The following MFSD1 variants were observed in gnomAD, a reference collection of about 807,000 sequenced individuals.
The protein encoded by MFSD1 is lysosomal dipeptide transporter MFSD1.
Under a neutral mutation model 67.1 loss-of-function variants are expected in MFSD1, and 59 were observed. That is an observed-to-expected ratio of 0.88 (90% CI 0.71 to 1.09). The LOEUF is 1.09. Ranked by LOEUF, MFSD1 falls within the 50% of genes least tolerant of loss-of-function variation. MFSD1 has a pLI of 0.00. For synonymous variants in MFSD1, 213 were observed against 200.3 expected (o/e 1.06, Z -0.54); for missense variants, 552 against 566.1 (o/e 0.97, Z 0.25).
chr3:158,808,885 C>T (rs773280567), intron 5 of MFSD1: 1 of 283,666 alleles, frequency 3.5e-6, no homozygotes, highest in Non-Finnish European at 6.6e-6. Context: ...TGTGGCCTCT[C>T]TTTGTGGTTT....
In MFSD1 at chr3:158,807,383, T is replaced by TTC. The variant is rs745537029; in HGVS notation, c.373-11_373-10dup. The TTC allele has an allele frequency of 8.1e-6, 13 of 1,605,456 alleles. No homozygotes were observed. The African/African-American group carries it at 1.6e-4, about 20-fold the overall frequency. ...ACTTTTTCATTAATTTGACATGAAC[T>TTC]TCTACATTATAGGTTGTTTTTGCCC... On this transcript the variant is annotated splice_polypyrimidine_tract_variant and intron_variant, in intron 4 of 15. Coordinates refer to ENST00000415822, the MANE Select transcript of MFSD1 (RefSeq NM_022736.4).
At chr3:158,827,862 C>A (rs1576919053) in intron 15 of MFSD1, among the ~76,000 whole-genome samples, 1 of 145,156 alleles carries the variant, frequency 6.9e-6, no homozygotes, top group South Asian at 2.2e-4. Context: ...AAAAATAATT[C>A]AATTTAAGTT....
At position 158,826,179 on chromosome 3, in the gene MFSD1, A is replaced by G. The variant is rs979177901; in HGVS notation, c.1336+117A>G. On this transcript the variant is annotated intron_variant, in intron 14 of 15. Transcript: ENST00000415822. Reference sequence around the variant, plus strand: ...TCCATGCAGTAATGACTTTCTGTTCATAATGATGGAAACACATTTGATTAT... The same window carrying G: ...TCCATGCAGTAATGACTTTCTGTTCGTAATGATGGAAACACATTTGATTAT... 3 of 683,670 alleles carry G rather than the reference A, an allele frequency of 4.4e-6. No homozygotes were observed. The African/African-American group carries it at 5.4e-5, about 12-fold the overall frequency. The allele number at this position is 683,670 out of a possible 1,614,324, so 42.4% of individuals were successfully genotyped here. A position where few individuals can be genotyped will look rare whatever the true frequency, so the allele number is the denominator to read the frequency against.
chr3:158,806,942 C>T (rs113390330), intron 3 of MFSD1, 98 bp from the exon 4 acceptor site: 1 of 1,022,154 alleles, frequency 9.8e-7, no homozygotes, highest in Non-Finnish European at 1.4e-6. Context: ...TGAATTATTA[C>T]TAAAGGACTT....
At chr3:158,808,482 T>A (rs1303247186) in intron 5 of MFSD1, among the ~76,000 whole-genome samples, 2 of 152,150 alleles carry the variant, frequency 1.3e-5, no homozygotes, top group Non-Finnish European at 2.9e-5. Context: ...GATGGAGAGC[T>A]TTGCATATTG....
In MFSD1 at chr3:158,807,089, A is replaced by G; in HGVS notation, c.372+7A>G. On this transcript the variant is annotated splice_region_variant and intron_variant, in intron 4 of 15. Transcript: ENST00000415822. ...CTTTGTTTGCATTGGACAGGTAAGG[A>G]AGGCCAAAACATTCATTGATTATTG... The G allele has an allele frequency of 6.2e-7, 1 of 1,609,934 alleles. No individual in the cohort carries two copies. The highest frequency in any genetic ancestry group is 8.5e-7 in the Non-Finnish European group (1 of 1,176,994).
At chr3:158,827,825 T>C (rs1166130774) in intron 15 of MFSD1, among the ~76,000 whole-genome samples, 1 of 151,458 alleles carries the variant, frequency 6.6e-6, no homozygotes, top group African/African-American at 2.4e-5. Context: ...AATTTAAAAA[T>C]GGATATTAAG....
rs1326114351 is a variant in MFSD1, at chr3:158,807,443, AT to A, written c.423del (p.Phe141LeufsTer13). ...TATTTAATGCTTTTTGGCTGATGGA[AT>A]TTGGAAGATTTGTATTTGGGTAAGT... is the stretch of plus-strand genomic sequence containing the variant. ...GIFNAFWLME[F>X]GRFVFGIGGE... On this transcript the variant is annotated frameshift_variant, in exon 5 of 16. Transcript: ENST00000415822. LOFTEE classifies it high-confidence loss of function. 1.9e-6 allele frequency: 3 copies of A among 1,612,266 alleles called. No individual in the cohort carries two copies. The highest frequency in any genetic ancestry group is 3.3e-5 in the Admixed American group (2 of 60,008).
chr3:158,804,503 TC>T, intron 2 of MFSD1, 132 bp downstream of exon 2: 1 of 606,808 alleles, frequency 1.6e-6, no homozygotes, highest in Non-Finnish European at 2.8e-6. Context: ...AGTCACCAAA[TC>T]CACAAGTTGC....
intron 1 of MFSD1, chr3:158,802,676 C>T: frequency 2.1e-6 from 1 of 485,416 alleles, no homozygotes; most frequent in South Asian, 1.8e-5. Context: ...ATTCAGAAAG[C>T]TTTAACTGTT....
At chr3:158,811,701 A>T in intron 6 of MFSD1, among the ~76,000 whole-genome samples, 1 of 152,214 alleles carries the variant, frequency 6.6e-6, no homozygotes, top group East Asian at 1.9e-4. Flanking sequence ...AATGCTATTG[A>T]TAGGTCAGAC....
intron 1 of MFSD1, among the ~76,000 whole-genome samples, chr3:158,803,491 TA>T (rs1296830751): frequency 6.6e-6 from 1 of 151,496 alleles, no homozygotes; most frequent in East Asian, 1.9e-4. Context: ...AATAAAACAT[TA>T]AAAAAAATGG....
chr3:158,819,814 T>G (rs1730581590), intron 8 of MFSD1, 67 bp downstream of exon 8: 1 of 856,760 alleles, frequency 1.2e-6, no homozygotes, highest in Non-Finnish European at 1.9e-6. Context: ...TAATGAGATC[T>G]AAGTTCCTAA....
Position 158,809,254 on chromosome 3 carries a change from G to C in MFSD1, c.516G>C (p.Leu172=), listed in dbSNP as rs746523217. The C allele has an allele frequency of 5.6e-6, 9 of 1,609,950 alleles. No homozygotes were observed. The highest frequency in any genetic ancestry group is 7.6e-6 in the Non-Finnish European group (9 of 1,178,596). Residue 172 remains leucine (L), a synonymous_variant, in exon 6 of 16, where the codon CTG becomes CTC. Transcript: ENST00000415822. The part of the protein sequence containing the change: ...VSWFKGKELN[L]VFGLQLSMAR... ...GGTTTAAAGGCAAAGAATTAAACCT[G>C]GTGTTTGGACTTCAACTTAGCATGG... is the stretch of plus-strand genomic sequence containing the variant.
chr3:158,827,414 T>G, intron 15 of MFSD1, 77 bp downstream of exon 15: 1 of 812,980 alleles, frequency 1.2e-6, no homozygotes, highest in Non-Finnish European at 1.8e-6. Flanking sequence ...AGGTTTGGGC[T>G]TTGAAGTTTT....
intron 15 of MFSD1, among the ~76,000 whole-genome samples, chr3:158,827,976 GAGACAGAGAT>G: frequency 1.3e-5 from 1 of 78,874 alleles, no homozygotes; most frequent in Non-Finnish European, 2.5e-5. Flanking sequence ...GAGAGAGAGA[GAGACAGAGAT>G]CGATCTATAT....
At chr3:158,809,113 C>A in intron 5 of MFSD1, 66 bp from the exon 6 acceptor site, 1 of 1,209,682 alleles carries the variant, frequency 8.3e-7, no homozygotes, top group Non-Finnish European at 1.2e-6. Context: ...AAACCTGCTG[C>A]ATTGCTAACT....
rs1408074943 is a variant in MFSD1, at chr3:158,802,203, C to A, written c.51C>A (p.Asp17Glu). ...GGGCGCTCCTGGCAGGCGGCCCTGA[C>A]GAGGCCGACAGAGGTGCCCCGGCCG... ...EARALLAGGP[D>E]EADRGAPAAP... Residue 17 changes from aspartate to glutamate, a missense_variant, in exon 1 of 16, where the codon GAC becomes GAA. Asp to Glu is a conservative substitution (Grantham distance 45). Coordinates refer to ENST00000415822, the MANE Select transcript of MFSD1 (RefSeq NM_022736.4). 6.2e-7 allele frequency: 1 copy of A among 1,610,870 alleles called. No individual in the cohort carries two copies. The highest frequency in any genetic ancestry group is 8.5e-7 in the Non-Finnish European group (1 of 1,179,134).
intron 7 of MFSD1, among the ~76,000 whole-genome samples, chr3:158,815,102 A>C (rs1413312031): frequency 6.6e-6 from 1 of 152,174 alleles, no homozygotes; most frequent in Non-Finnish European, 1.5e-5. Flanking sequence ...AAACAAAAAA[A>C]CAACCAACCA....
Sources: allele counts gnomAD v4.1 joint callset (sites outside exome capture counted in the v4.1 genomes callset), GRCh38; gene constraint gnomAD v4.1.1; transcripts MANE v1.5; gene names NCBI Gene and HGNC (gene_info 2026-07-23, HGNC 2026-07-21).